Variants in PNPLA7 observed in about 807,000 individuals in gnomAD.
PNPLA7 encodes the protein patatin-like phospholipase domain-containing protein 7.
Under a neutral mutation model 161.7 loss-of-function variants are expected in PNPLA7, and 153 were observed. That is an observed-to-expected ratio of 0.95 (90% CI 0.83 to 1.08). The LOEUF (loss-of-function observed/expected upper bound fraction) is 1.08, where lower values mean the gene tolerates loss of function less well. PNPLA7 is among the 50% of genes least tolerant of loss of function. The pLI, the probability that PNPLA7 is intolerant of heterozygous loss-of-function variation, is 0.00. For missense variants in PNPLA7, 1,739 were observed against 1,856.6 expected (o/e 0.94, Z 1.16); for synonymous variants, 809 against 782.1 (o/e 1.03, Z -0.57).
chr9:137,515,315 C>T, intron 12 of PNPLA7, 64 bp downstream of exon 12: 24 of 1,559,888 alleles, frequency 1.5e-5, no homozygotes, highest in Non-Finnish European at 2.1e-5. Flanking sequence ...TGCAGCTCAG[C>T]CTGGGTCTCA....
intron 8 of PNPLA7, among the ~76,000 whole-genome samples, chr9:137,527,281 C>A (rs571668749): frequency 1.4e-3 from 205 of 142,404 alleles, no homozygotes; most frequent in African/African-American, 3.4e-3. Context: ...AAAAAAAAAA[C>A]CACAAAAAAA....
intron 18 of PNPLA7, among the ~76,000 whole-genome samples, chr9:137,496,713 AAAAACAAAAC>A (rs566457617): frequency 1.2e-4 from 19 of 152,296 alleles, no homozygotes; most frequent in East Asian, 5.8e-4. Flanking sequence ...TTCCGTCTCA[AAAAACAAAAC>A]AAAACAAAAC....
At chr9:137,527,377 C>T (rs193155878) in intron 8 of PNPLA7, among the ~76,000 whole-genome samples, 12 of 152,012 alleles carry the variant, frequency 7.9e-5, no homozygotes, top group African/African-American at 2.2e-4. Context: ...CGATCAGGCA[C>T]GATGTTTGCT....
intron 25 of PNPLA7, among the ~76,000 whole-genome samples, chr9:137,475,064 G>A (rs1831885753): frequency 1.3e-5 from 2 of 149,314 alleles, no homozygotes; most frequent in Non-Finnish European, 3.0e-5. Flanking sequence ...ACAGATAAGA[G>A]GGAGGTAAAC....
In PNPLA7 at chr9:137,513,933, C is replaced by T. The variant is rs115576125; in HGVS notation, c.1225+1446G>A. ...ATACAGCAGGAGCCAATGAGCTTGC[C>T]GGTGACCTGCGGGTGGCAGACGGCA... On this transcript the variant is annotated intron_variant, in intron 12 of 34. Coordinates refer to ENST00000406427, the MANE Select transcript of PNPLA7 (RefSeq NM_001098537.3). Among the ~76,000 whole-genome samples, 496 of 152,380 alleles carry T rather than the reference C, an allele frequency of 3.3e-3. 2 individuals carry two copies. Among genetic ancestry groups the T allele is most frequent in the African/African-American group, 0.011 (455 of 41,598 alleles).
At chr9:137,502,038 G>A (rs141035578) in intron 14 of PNPLA7, among the ~76,000 whole-genome samples, 1,825 of 152,374 alleles carry the variant, frequency 0.012, 124 homozygotes, top group Admixed American at 0.11. Flanking sequence ...TAGGGAGAAA[G>A]GGTGATTTCT....
At chr9:137,531,401 C>T (rs1479677783) in intron 8 of PNPLA7, among the ~76,000 whole-genome samples, 3 of 152,198 alleles carry the variant, frequency 2.0e-5, no homozygotes, top group African/African-American at 7.2e-5. Flanking sequence ...AAAACCATGC[C>T]TTCATAACCT....
At chr9:137,538,336 C>T (rs987785663) in intron 8 of PNPLA7, among the ~76,000 whole-genome samples, 1 of 152,242 alleles carries the variant, frequency 6.6e-6, no homozygotes, top group South Asian at 2.1e-4. Context: ...GCTCAAAGCG[C>T]ACCTGTGCCC....
At chr9:137,474,217 C>A (rs566939384) in intron 25 of PNPLA7, among the ~76,000 whole-genome samples, 1 of 152,170 alleles carries the variant, frequency 6.6e-6, no homozygotes, top group Admixed American at 6.5e-5. Flanking sequence ...CCAGCCTGGG[C>A]GACAAAGCGA....
intron 16 of PNPLA7, 34 bp from the exon 17 acceptor site, chr9:137,498,279 C>T: frequency 1.9e-6 from 3 of 1,603,804 alleles, no homozygotes; most frequent in East Asian, 2.2e-5. Context: ...CCTGCCCCAT[C>T]CCTCCAACCC....
intron 12 of PNPLA7, chr9:137,509,668 T>C: frequency 2.3e-6 from 1 of 440,678 alleles, no homozygotes; most frequent in Non-Finnish European, 4.6e-6. Context: ...TGAGTTTAGG[T>C]GTCAACAGTC....
chr9:137,502,168 G>A (rs2132296588), intron 14 of PNPLA7, among the ~76,000 whole-genome samples: 1 of 152,286 alleles, frequency 6.6e-6, no homozygotes, highest in Admixed American at 6.5e-5. Context: ...ACCCGGGAGT[G>A]CCCAACACAC....
intron 4 of PNPLA7, 48 bp downstream of exon 4, chr9:137,546,782 C>A (rs1420956240): frequency 1.9e-5 from 30 of 1,578,078 alleles, no homozygotes; most frequent in Non-Finnish European, 2.5e-5. Flanking sequence ...CCCACAGGGG[C>A]CTGCTCGAGG....
intron 8 of PNPLA7, among the ~76,000 whole-genome samples, chr9:137,533,813 C>T (rs1254531779): frequency 2.7e-5 from 4 of 150,460 alleles, no homozygotes. Flanking sequence ...CCAACAGTGT[C>T]CACTCCAGAC....
At chr9:137,542,620 G>T (rs750206394) in intron 7 of PNPLA7, 22 bp downstream of exon 7, 2 of 1,555,806 alleles carry the variant, frequency 1.3e-6, no homozygotes, top group Non-Finnish European at 1.8e-6. Flanking sequence ...GCCTGACCCC[G>T]CCCCGCCGCC....
intron 20 of PNPLA7, among the ~76,000 whole-genome samples, chr9:137,485,319 G>A (rs1418853555): frequency 6.6e-6 from 1 of 151,920 alleles, no homozygotes; most frequent in East Asian, 1.9e-4. Context: ...GAGTAAACCA[G>A]ACAAACGCTG....
chr9:137,542,950 T>G, intron 6 of PNPLA7, 149 bp from the exon 7 acceptor site: 1 of 745,708 alleles, frequency 1.3e-6, no homozygotes, highest in Non-Finnish European at 2.1e-6. Flanking sequence ...CACACAGCAT[T>G]ACTGCCAAAC....
In PNPLA7 at chr9:137,543,298, G is replaced by A; in HGVS notation, c.506+134C>T. 8.7e-7 allele frequency: 1 copy of A among 1,146,122 alleles called. No individual in the cohort carries two copies. The highest frequency in any genetic ancestry group is 1.3e-6 in the Non-Finnish European group (1 of 791,340). 71.0% of individuals were successfully genotyped at this position (1,146,122 alleles called of 1,614,324 possible). A position where few individuals can be genotyped will look rare whatever the true frequency, so the allele number is the denominator to read the frequency against. ...CCACGAGGCCCCGCCACGGGGCACA[G>A]ACACCAGCAGCCCCACGATGCGCTT... is the stretch of plus-strand genomic sequence containing the variant. On this transcript the variant is annotated intron_variant, in intron 6 of 34. Transcript: ENST00000406427. The surrounding 1 kb of genome is among the most constrained non-coding windows in gnomAD (Gnocchi z 6.9).
In PNPLA7 at chr9:137,547,777, T is replaced by C; in HGVS notation, c.31-118A>G. ...AGAAGTCAGCAGCCCTGGAGACTTC[T>C]GGGAAGAAGTGATCTCGCCCGGGGT... On this transcript the variant is annotated intron_variant, in intron 1 of 34. Coordinates refer to ENST00000406427, the MANE Select transcript of PNPLA7 (RefSeq NM_001098537.3). The surrounding 1 kb of genome is among the most constrained non-coding windows in gnomAD (Gnocchi z 4.6). 1.0e-6 allele frequency: 1 copy of C among 974,868 alleles called. No individual in the cohort carries two copies. The highest frequency in any genetic ancestry group is 2.4e-5 in the East Asian group (1 of 41,418). 60.4% of individuals were successfully genotyped at this position (974,868 alleles called of 1,614,324 possible).
Sources: gnomAD v4.1 joint callset for allele counts (sites outside exome capture counted in the v4.1 genomes callset) on GRCh38, gnomAD v4.1.1 for gene constraint, Gnocchi (gnomAD v3.1) non-coding constraint, MANE v1.5 for transcripts, NCBI Gene and HGNC (gene_info 2026-07-23, HGNC 2026-07-21) for gene names.